The following CTNND2 variants were observed in gnomAD, a reference collection of about 807,000 sequenced individuals.
The protein encoded by CTNND2 is catenin delta-2.
A neutral mutation model predicts 144.4 loss-of-function variants in CTNND2; 22 were observed. The observed-to-expected ratio is 0.15, with a 90% CI of 0.11 to 0.22. The LOEUF is 0.22. Among genes scored for constraint, CTNND2 ranks in the 10% least tolerant of loss-of-function variants. The probability of loss-of-function intolerance (pLI) is 1.00; values close to 1 mark genes in which losing one functional copy is unlikely to be tolerated. For synonymous variants in CTNND2, 751 were observed against 695.6 expected (o/e 1.08, Z -1.25); for missense variants, 1,353 against 1,618.8 (o/e 0.84, Z 2.82).
intron 3 of CTNND2, among the ~76,000 whole-genome samples, chr5:11,413,461 T>G (rs1038622654): frequency 6.6e-6 from 1 of 152,202 alleles, no homozygotes; most frequent in African/African-American, 2.4e-5. Flanking sequence ...GGATCATTAC[T>G]TTTCAAGAAT....
At chr5:11,546,608 T>A (rs1197889782) in intron 3 of CTNND2, among the ~76,000 whole-genome samples, 6 of 152,016 alleles carry the variant, frequency 3.9e-5, no homozygotes, top group Non-Finnish European at 7.4e-5. Context: ...GTCTCTTTTT[T>A]AAAAAAAAGA....
chr5:11,419,349 G>C (rs1279548464), intron 3 of CTNND2, among the ~76,000 whole-genome samples: 4 of 152,066 alleles, frequency 2.6e-5, no homozygotes, highest in Non-Finnish European at 5.9e-5. Context: ...TAAATGTTTA[G>C]ATAAACCTTT....
At chr5:11,359,759 T>A (rs1013510097) in intron 8 of CTNND2, among the ~76,000 whole-genome samples, 3 of 152,186 alleles carry the variant, frequency 2.0e-5, no homozygotes, top group Non-Finnish European at 4.4e-5. Context: ...CAAAGGTCTT[T>A]GGCTCTTATC....
chr5:11,342,797 A>G (rs749397987), intron 9 of CTNND2, among the ~76,000 whole-genome samples: 1 of 152,172 alleles, frequency 6.6e-6, no homozygotes, highest in Non-Finnish European at 1.5e-5. Flanking sequence ...ACTTATCACT[A>G]CCAACATGAC....
chr5:11,028,556 C>A (rs1344428165), intron 16 of CTNND2, among the ~76,000 whole-genome samples: 2 of 152,158 alleles, frequency 1.3e-5, no homozygotes, highest in Non-Finnish European at 2.9e-5. Flanking sequence ...TCCCTGGAAA[C>A]CCCCATTCTA....
intron 3 of CTNND2, among the ~76,000 whole-genome samples, chr5:11,520,957 GA>G (rs1772669808): frequency 6.6e-6 from 1 of 152,164 alleles, no homozygotes; most frequent in Admixed American, 6.5e-5. Context: ...GGAAACAAAT[GA>G]AAATAAATCA....
intron 8 of CTNND2, among the ~76,000 whole-genome samples, chr5:11,353,754 G>C (rs1755582924): frequency 6.6e-6 from 1 of 151,308 alleles, no homozygotes; most frequent in Admixed American, 6.6e-5. Context: ...AGTGATCCGA[G>C]ATTGTGCCGT....
At chr5:11,625,738 A>G (rs1328756238) in intron 2 of CTNND2, among the ~76,000 whole-genome samples, 3 of 152,150 alleles carry the variant, frequency 2.0e-5, no homozygotes, top group African/African-American at 4.8e-5. Flanking sequence ...TCCAATATAC[A>G]TGAAGAACTT....
intron 12 of CTNND2, among the ~76,000 whole-genome samples, chr5:11,138,991 T>TA (rs1279411955): frequency 6.6e-6 from 1 of 152,022 alleles, no homozygotes; most frequent in Non-Finnish European, 1.5e-5. Flanking sequence ...CTTTTTTTTT[T>TA]TTTTCTTTTC....
intron 6 of CTNND2, among the ~76,000 whole-genome samples, chr5:11,395,772 C>T (rs924733865): frequency 1.1e-4 from 16 of 152,328 alleles, no homozygotes; most frequent in Non-Finnish European, 2.2e-4. Flanking sequence ...GTTTCTGGCA[C>T]AGTAATTTAA....
At chr5:11,566,992 C>G (rs770613033) in intron 2 of CTNND2, among the ~76,000 whole-genome samples, 15 of 152,246 alleles carry the variant, frequency 9.9e-5, no homozygotes, top group Non-Finnish European at 1.9e-4. Flanking sequence ...AAGAAGTCTT[C>G]CAGCTTGACA....
At chr5:11,778,589 C>T (rs1790378919) in intron 1 of CTNND2, among the ~76,000 whole-genome samples, 1 of 152,116 alleles carries the variant, frequency 6.6e-6, no homozygotes, top group African/African-American at 2.4e-5. Context: ...CTACAATATA[C>T]CAGACCAGTA....
intron 16 of CTNND2, among the ~76,000 whole-genome samples, chr5:11,028,159 C>G (rs1304592890): frequency 6.6e-6 from 1 of 151,390 alleles, no homozygotes. Flanking sequence ...TTGTTGTGCA[C>G]CATTATAAAC....
At chr5:11,691,142 C>A (rs549319252) in intron 2 of CTNND2, among the ~76,000 whole-genome samples, 1 of 152,150 alleles carries the variant, frequency 6.6e-6, no homozygotes, top group East Asian at 1.9e-4. Flanking sequence ...GAGGCCGAGG[C>A]GGGTGGATCA....
At chr5:11,679,729 A>G (rs79972065) in intron 2 of CTNND2, among the ~76,000 whole-genome samples, 3,648 of 152,312 alleles carry the variant, frequency 0.024, 46 homozygotes, top group East Asian at 0.057. Context: ...CCAACAGCAT[A>G]ATGGTTTGTT....
intron 2 of CTNND2, among the ~76,000 whole-genome samples, chr5:11,671,447 T>A (rs1015495874): frequency 6.6e-6 from 1 of 152,092 alleles, no homozygotes; most frequent in East Asian, 1.9e-4. Context: ...TCACATAGTC[T>A]CCTATTTCTT....
At chr5:11,405,887 C>G (rs1761054899) in intron 5 of CTNND2, among the ~76,000 whole-genome samples, 1 of 152,080 alleles carries the variant, frequency 6.6e-6, no homozygotes, top group African/African-American at 2.4e-5. Flanking sequence ...ATTTTAAAAA[C>G]TTGGACCTCC....
intron 18 of CTNND2, among the ~76,000 whole-genome samples, chr5:11,003,018 T>G (rs553605709): frequency 6.6e-6 from 1 of 152,302 alleles, no homozygotes; most frequent in South Asian, 2.1e-4. Context: ...TTTCTACCTG[T>G]TTTTTAAAAA....
chr5:11,082,818 C>T lies in CTNND2; in HGVS notation c.2666G>A (p.Arg889Gln), dbSNP rs867932417. The T allele has an allele frequency of 3.7e-6, 6 of 1,613,990 alleles. No individual in the cohort carries two copies. Among genetic ancestry groups the T allele is most frequent in the Non-Finnish European group, 5.1e-6 (6 of 1,180,036 alleles). Residue 889 changes from arginine (R) to glutamine (Q), a missense_variant, in exon 16 of 22, where the codon CGA (arginine) becomes CAA (glutamine). Arg to Gln is a conservative substitution (Grantham distance 43). Coordinates refer to ENST00000304623, the MANE Select transcript of CTNND2 (RefSeq NM_001332.4). ...KWSVYIRAAVRKEKGLPILVE... is the reference protein window; with the variant it reads ...KWSVYIRAAVQKEKGLPILVE... ...GAGGATGGGCAGGCCTTTCTCTTTT[C>T]GGACAGCGGCTCGGATATATACTGA...
Sources: allele counts gnomAD v4.1 joint callset (sites outside exome capture counted in the v4.1 genomes callset), GRCh38; gene constraint gnomAD v4.1.1; transcripts MANE v1.5; gene names NCBI Gene and HGNC (gene_info 2026-07-23, HGNC 2026-07-21).